The following CFTR variants were observed in gnomAD, a reference collection of about 807,000 sequenced individuals.
CFTR encodes the protein cystic fibrosis transmembrane conductance regulator.
CFTR carries 181 observed loss-of-function variants against 171.6 expected under a neutral mutation model. The observed-to-expected ratio is 1.05, with a 90% CI of 0.93 to 1.19. CFTR has a LOEUF of 1.19. Ranked by LOEUF, CFTR falls within the 50% of genes most tolerant of loss-of-function variation. The pLI is 0.00. For synonymous variants in CFTR, 583 were observed against 608.0 expected, an observed-to-expected ratio of 0.96 and a Z score of 0.60; for missense variants, 1,968 against 1,734.7, an observed-to-expected ratio of 1.13 and a Z score of -2.39.
intron 3 of CFTR, among the ~76,000 whole-genome samples, chr7:117,521,669 T>C (rs756690237): frequency 6.6e-6 from 1 of 152,276 alleles, no homozygotes; most frequent in East Asian, 1.9e-4. Context: ...GGTGATTTTA[T>C]TAAGTGACCT....
At chr7:117,551,165 A>T (rs1289741721) in intron 10 of CFTR, among the ~76,000 whole-genome samples, 1 of 152,142 alleles carries the variant, frequency 6.6e-6, no homozygotes, top group Non-Finnish European at 1.5e-5. Flanking sequence ...TGGGTGGGGG[A>T]GCCCCATAAA....
intron 11 of CFTR, among the ~76,000 whole-genome samples, chr7:117,573,932 T>C (rs1414456571): frequency 6.6e-6 from 1 of 152,124 alleles, no homozygotes; most frequent in African/African-American, 2.4e-5. Flanking sequence ...TCGAAGGAAG[T>C]TGTAGTATGA....
chr7:117,615,432 ACTC>A (rs1196151552), intron 21 of CFTR, among the ~76,000 whole-genome samples: 3 of 151,482 alleles, frequency 2.0e-5, no homozygotes, highest in Non-Finnish European at 4.4e-5. Flanking sequence ...TTGATTAAGA[ACTC>A]CTTCCTTATA....
intron 11 of CFTR, among the ~76,000 whole-genome samples, chr7:117,583,541 A>G (rs1421835062): frequency 6.6e-6 from 1 of 152,048 alleles, no homozygotes; most frequent in Non-Finnish European, 1.5e-5. Flanking sequence ...TCCATAGTGT[A>G]TATATGCCAC....
intron 1 of CFTR, among the ~76,000 whole-genome samples, chr7:117,502,301 C>T (rs866219842): frequency 6.6e-6 from 1 of 152,228 alleles, no homozygotes; most frequent in African/African-American, 2.4e-5. Context: ...AGTTTAGCAT[C>T]TCTAAGCCTC....
intron 21 of CFTR, among the ~76,000 whole-genome samples, chr7:117,622,085 C>T (rs1792590933): frequency 6.6e-6 from 1 of 152,146 alleles, no homozygotes; most frequent in South Asian, 2.1e-4. Flanking sequence ...TGATTTGACA[C>T]AGGTTAAAAT....
At chr7:117,503,553 T>A (rs990939853) in intron 1 of CFTR, among the ~76,000 whole-genome samples, 4 of 152,178 alleles carry the variant, frequency 2.6e-5, no homozygotes, top group Non-Finnish European at 5.9e-5. Flanking sequence ...CACTACGGTA[T>A]CCTGCATAGT....
intron 21 of CFTR, among the ~76,000 whole-genome samples, chr7:117,622,539 G>C (rs549950031): frequency 6.6e-6 from 1 of 151,992 alleles, no homozygotes; most frequent in African/African-American, 2.4e-5. Context: ...GATGACTCTC[G>C]TCATATTTAT....
intron 19 of CFTR, 120 bp downstream of exon 19, chr7:117,610,789 TA>T: frequency 9.4e-7 from 1 of 1,058,378 alleles, no homozygotes; most frequent in Non-Finnish European, 1.4e-6. Context: ...CATATAACAA[TA>T]ATTTTTTTCT....
intron 21 of CFTR, among the ~76,000 whole-genome samples, chr7:117,620,835 G>A (rs552482201): frequency 3.3e-5 from 5 of 152,222 alleles, no homozygotes; most frequent in Non-Finnish European, 4.4e-5. Context: ...AGCCAGGTGC[G>A]GTGGCTCATG....
chr7:117,656,456 A>G (rs979409167), intron 24 of CFTR, among the ~76,000 whole-genome samples: 1 of 152,176 alleles, frequency 6.6e-6, no homozygotes, highest in Non-Finnish European at 1.5e-5. Flanking sequence ...CCATTAGGAC[A>G]TTATATAGGA....
chr7:117,628,806 A>T (rs1381851896), intron 22 of CFTR, among the ~76,000 whole-genome samples: 1 of 152,158 alleles, frequency 6.6e-6, no homozygotes, highest in Non-Finnish European at 1.5e-5. Flanking sequence ...GAAATGGCTT[A>T]AAACAGAACA....
intron 1 of CFTR, among the ~76,000 whole-genome samples, chr7:117,491,491 G>C (rs536046345): frequency 2.0e-5 from 3 of 152,078 alleles, no homozygotes; most frequent in Admixed American, 2.0e-4. Context: ...AGAAGTACAA[G>C]ATCAAGGTGT....
intron 17 of CFTR, 82 bp from the exon 18 acceptor site, chr7:117,606,592 A>G (rs1297083475): frequency 2.5e-6 from 2 of 811,230 alleles, no homozygotes; most frequent in East Asian, 4.9e-5. Flanking sequence ...GTCTACTGTG[A>G]TCCAAACTTA....
intron 11 of CFTR, among the ~76,000 whole-genome samples, chr7:117,572,609 CT>C (rs1400997595): frequency 1.3e-5 from 2 of 152,084 alleles, no homozygotes; most frequent in Non-Finnish European, 2.9e-5. Context: ...CTTTATAATA[CT>C]CTTGGCTCTC....
intron 17 of CFTR, among the ~76,000 whole-genome samples, 159 bp downstream of exon 17, chr7:117,603,941 G>A (rs1156248239): frequency 6.6e-6 from 1 of 152,124 alleles, no homozygotes; most frequent in Non-Finnish European, 1.5e-5. Flanking sequence ...GATATTATAG[G>A]TTATCATATA....
intron 22 of CFTR, 79 bp downstream of exon 22, chr7:117,627,849 G>T: frequency 7.2e-7 from 1 of 1,380,084 alleles, no homozygotes; most frequent in Non-Finnish European, 1.0e-6. Flanking sequence ...TGTGTTAGCA[G>T]AATCTATTTG....
Position 117,611,783 on chromosome 7 carries a change from T to C in CFTR, c.3342T>C (p.Val1114=). ...EMIFVIFFIA[V]TFISILTTGE... is the part of the protein sequence containing the mutation. ...TTTTTGTCATCTTCTTCATTGCTGT[T>C]ACCTTCATTTCCATTTTAACAACAG... is the stretch of plus-strand genomic sequence containing the variant. The change falls in exon 20 of 27, where the codon GTT becomes GTC. Residue 1114 remains valine (V), a synonymous_variant. Transcript: ENST00000003084. 6.2e-7 allele frequency: 1 copy of C among 1,612,638 alleles called. No homozygotes were observed. Among genetic ancestry groups the C allele is most frequent in the Non-Finnish European group, 8.5e-7 (1 of 1,179,014 alleles).
At chr7:117,593,215 A>G (rs984107921) in intron 14 of CFTR, among the ~76,000 whole-genome samples, 2 of 152,170 alleles carry the variant, frequency 1.3e-5, no homozygotes, top group African/African-American at 4.8e-5. Context: ...TAGAGAATGT[A>G]TATAAGCTTA....
Sources: allele counts gnomAD v4.1 joint callset (sites outside exome capture counted in the v4.1 genomes callset), GRCh38; gene constraint gnomAD v4.1.1; transcripts MANE v1.5; gene names NCBI Gene and HGNC (gene_info 2026-07-23, HGNC 2026-07-21).